PHF24: variants seen among roughly 807,000 people sequenced by gnomAD.
PHF24 encodes the protein PHD finger protein 24.
In PHF24, 25 loss-of-function variants were observed where a neutral mutation model predicts 42.6. The ratio of observed to expected loss-of-function variants is 0.59; its 90% CI spans 0.43 to 0.82. The LOEUF is 0.82. Ranked by LOEUF, PHF24 falls within the 40% of genes least tolerant of loss-of-function variation. PHF24 has a pLI of 0.00. For missense variants in PHF24, 470 were observed against 538.1 expected (o/e 0.87, Z 1.25); for synonymous variants, 185 against 204.8 (o/e 0.90, Z 0.83).
At chr9:34,726,191 T>G in the PHF24 span, 4 of 1,260,432 alleles carry the variant, frequency 3.2e-6, no homozygotes, top group African/African-American at 4.5e-5. Context: ...CTCAAATCTA[T>G]GAAGAGAGAC....
the PHF24 span, among the ~76,000 whole-genome samples, chr9:34,875,934 A>ACTCTCTCTCTCTCTCTCTCTCT: frequency 1.3e-5 from 1 of 78,158 alleles, no homozygotes; most frequent in Non-Finnish European, 2.6e-5. Flanking sequence ...ACACACACAC[A>ACTCTCTCTCTCTCTCTCTCTCT]CACACACACA....
At chr9:34,963,252 T>C (rs1410485781) in intron 1 of PHF24, among the ~76,000 whole-genome samples, 2 of 146,352 alleles carry the variant, frequency 1.4e-5, no homozygotes, top group East Asian at 2.2e-4. Context: ...AGAACTCTTT[T>C]TGATGGTTTT....
At chr9:34,756,103 C>A in the PHF24 span, among the ~76,000 whole-genome samples, 1 of 151,952 alleles carries the variant, frequency 6.6e-6, no homozygotes, top group Non-Finnish European at 1.5e-5. Flanking sequence ...GAGTTGATCT[C>A]TTTCTCTCTT....
chr9:34,977,926 C>T lies in PHF24; in HGVS notation c.1107-89C>T, dbSNP rs140151374. 1.9e-4 allele frequency: 194 copies of T among 1,044,174 alleles called. No individual in the cohort carries two copies. The African/African-American group carries it at 2.6e-3, about 14-fold the overall frequency. The allele number at this position is 1,044,174 out of a possible 1,614,324, so 64.7% of individuals were successfully genotyped here. A position where few individuals can be genotyped will look rare whatever the true frequency, so the allele number is the denominator to read the frequency against. ...GGATCAGGGCTCACGCGTCTTCAAACCAGCCTCCTCAAGCCATGCTGCCCC... is the reference window on the plus strand; with the variant it reads ...GGATCAGGGCTCACGCGTCTTCAAATCAGCCTCCTCAAGCCATGCTGCCCC... On this transcript the variant is annotated intron_variant, in intron 7 of 7. Transcript: ENST00000242315.
chr9:34,803,124 A>G, the PHF24 span, among the ~76,000 whole-genome samples: 3 of 152,142 alleles, frequency 2.0e-5, no homozygotes, highest in African/African-American at 7.2e-5. Flanking sequence ...ACACAGATAC[A>G]TCTCCAGGCT....
chr9:34,765,263 T>C, the PHF24 span, among the ~76,000 whole-genome samples: 1 of 151,954 alleles, frequency 6.6e-6, no homozygotes, highest in Non-Finnish European at 1.5e-5. Context: ...CTTGTTAACT[T>C]TCTGTCCCGT....
At chr9:34,726,939 C>A in the PHF24 span, 1 of 1,551,568 alleles carries the variant, frequency 6.4e-7, no homozygotes, top group South Asian at 1.2e-5. Context: ...CAGCAGGGAT[C>A]TGCACACAGG....
chr9:34,788,584 G>T, the PHF24 span, among the ~76,000 whole-genome samples: 1 of 152,088 alleles, frequency 6.6e-6, no homozygotes, highest in South Asian at 2.1e-4. Flanking sequence ...AATACACATG[G>T]CCATTGTATT....
chr9:34,742,923 C>T, the PHF24 span, among the ~76,000 whole-genome samples: 1 of 95,198 alleles, frequency 1.1e-5, no homozygotes, highest in Non-Finnish European at 2.4e-5. Context: ...TATTGGAACA[C>T]AGTCATGCCC....
chr9:34,916,191 A>C, the PHF24 span, among the ~76,000 whole-genome samples: 1 of 152,338 alleles, frequency 6.6e-6, no homozygotes, highest in East Asian at 1.9e-4. Flanking sequence ...CTCTATCACT[A>C]TAAATAGTGT....
the PHF24 span, chr9:34,728,692 A>G: frequency 6.5e-7 from 1 of 1,545,122 alleles, no homozygotes; most frequent in Non-Finnish European, 8.8e-7. Context: ...AAGCTGGGAC[A>G]CCATTTTCTT....
At chr9:34,971,123 G>A (rs1826960310) in intron 1 of PHF24, among the ~76,000 whole-genome samples, 172 bp from the exon 2 acceptor site, 1 of 152,076 alleles carries the variant, frequency 6.6e-6, no homozygotes, top group African/African-American at 2.4e-5. Flanking sequence ...TAAAATTTAG[G>A]AAAGAAGTAG....
chr9:34,938,987 T>C, the PHF24 span, among the ~76,000 whole-genome samples: 2 of 113,466 alleles, frequency 1.8e-5, no homozygotes, highest in Non-Finnish European at 3.7e-5. Context: ...AAAAAAATAA[T>C]ATAATAAAAT....
At chr9:34,960,038 AG>A (rs1179713947) in intron 1 of PHF24, among the ~76,000 whole-genome samples, 4 of 152,312 alleles carry the variant, frequency 2.6e-5, no homozygotes, top group Admixed American at 6.5e-5. Context: ...GGAGTCTGTT[AG>A]GGGGAGCGCA....
the PHF24 span, among the ~76,000 whole-genome samples, chr9:34,674,931 AT>A: frequency 6.6e-6 from 1 of 152,096 alleles, no homozygotes; most frequent in African/African-American, 2.4e-5. Context: ...CAGTGGCGTG[AT>A]CTCGGCTCAC....
At chr9:34,906,500 C>T in the PHF24 span, among the ~76,000 whole-genome samples, 2 of 152,034 alleles carry the variant, frequency 1.3e-5, no homozygotes, top group Admixed American at 1.3e-4. Context: ...CATGGTGCTT[C>T]CTTCCTGATG....
At chr9:34,875,970 T>A in the PHF24 span, among the ~76,000 whole-genome samples, 4,152 of 137,620 alleles carry the variant, frequency 0.03, 85 homozygotes, top group Non-Finnish European at 0.045. Flanking sequence ...TCTCTCTCTC[T>A]CTCTCTCTCT....
chr9:34,925,032 G>A, the PHF24 span, among the ~76,000 whole-genome samples: 4 of 152,154 alleles, frequency 2.6e-5, no homozygotes, highest in Non-Finnish European at 5.9e-5. Flanking sequence ...AGCATGTCTT[G>A]TAAGGCCTAG....
chr9:34,727,704 C>T, the PHF24 span, among the ~76,000 whole-genome samples: 1 of 152,208 alleles, frequency 6.6e-6, no homozygotes, highest in East Asian at 1.9e-4. Context: ...TTATTCAAAA[C>T]CCATTCTCTT....
Sources: gnomAD v4.1 joint callset for allele counts (sites outside exome capture counted in the v4.1 genomes callset) on GRCh38, gnomAD v4.1.1 for gene constraint, MANE v1.5 for transcripts, NCBI Gene and HGNC (gene_info 2026-07-23, HGNC 2026-07-21) for gene names.